Variants in RPH3AL observed in about 807,000 individuals in gnomAD.
RPH3AL encodes the protein rabphilin 3A like (without C2 domains), also known as rab effector Noc2.
Under a neutral mutation model 43.1 loss-of-function variants are expected in RPH3AL, and 38 were observed. That is an observed-to-expected ratio of 0.88 (90% confidence interval 0.68 to 1.15). The LOEUF (loss-of-function observed/expected upper bound fraction) is 1.15. Ranked by LOEUF, RPH3AL falls within the 50% of genes most tolerant of loss-of-function variation. RPH3AL has a pLI of 0.00. For synonymous variants in RPH3AL, 189 were observed against 176.3 expected (o/e 1.07, Z -0.57); for missense variants, 462 against 423.2 (o/e 1.09, Z -0.81).
In RPH3AL at chr17:245,702, G is replaced by A. The variant is rs1555539674; in HGVS notation, c.613+1409C>T. Among the ~76,000 whole-genome samples, 1 of 152,108 alleles carries A rather than the reference G, an allele frequency of 6.6e-6. No individual in the cohort carries two copies. The highest frequency in any genetic ancestry group is 6.5e-5 in the Admixed American group (1 of 15,268). On this transcript the variant is annotated intron_variant, in intron 7 of 9. Transcript: ENST00000331302. The surrounding 1 kb of genome is among the most constrained non-coding windows in gnomAD (Gnocchi z 5.9). ...GAAGGTCTGAGGTCCAAGGGTGGCA[G>A]AGGGACCAGGTGGAGGACCGCCACT...
chr17:280,038 C>A (rs73278927), intron 6 of RPH3AL, among the ~76,000 whole-genome samples: 4 of 152,134 alleles, frequency 2.6e-5, no homozygotes, highest in Non-Finnish European at 5.9e-5. Flanking sequence ...TCCAAAGACA[C>A]GGAAGTGATA....
At chr17:253,463 G>A (rs758424506) in intron 6 of RPH3AL, among the ~76,000 whole-genome samples, 6 of 152,120 alleles carry the variant, frequency 3.9e-5, no homozygotes, top group Non-Finnish European at 7.4e-5. Context: ...TTGCGGCACC[G>A]GACCACGGTT....
In RPH3AL at chr17:272,960, GTCAGGGTGAGACCCCAGCAAGGGCT is replaced by G. The variant is rs1567604328; in HGVS notation, c.438+8783_438+8807del. On this transcript the variant is annotated intron_variant, in intron 6 of 9. Coordinates refer to ENST00000331302, the MANE Select transcript of RPH3AL (RefSeq NM_006987.4). ...AGGGAGAGACCCCAGCAAGGGCTACGTCAGGGTGAGACCCCAGCAAGGGCTACGTCAGGGTGAGACCCCAGCGAGG... is the reference window on the plus strand; with the variant it reads ...AGGGAGAGACCCCAGCAAGGGCTACGACGTCAGGGTGAGACCCCAGCGAGG... 2.1e-3 allele frequency among the ~76,000 whole-genome samples: 72 copies of G among 33,678 alleles called. 2 individuals are homozygous for G. Among genetic ancestry groups the G allele is most frequent in the African/African-American group, 3.8e-3 (47 of 12,382 alleles). 22.1% of individuals were successfully genotyped at this position (33,678 alleles called of 152,430 possible).
intron 6 of RPH3AL, among the ~76,000 whole-genome samples, chr17:259,289 G>C (rs575029236): frequency 4.5e-4 from 68 of 152,328 alleles, no homozygotes; most frequent in Non-Finnish European, 7.6e-4. Flanking sequence ...CCATGCAGAT[G>C]TGCATAAAAC....
At chr17:329,043 T>G (rs2044684283) in intron 2 of RPH3AL, among the ~76,000 whole-genome samples, 1 of 152,138 alleles carries the variant, frequency 6.6e-6, no homozygotes, top group African/African-American at 2.4e-5. Flanking sequence ...ATGTTCTGGA[T>G]TAGACAGTGG....
At chr17:273,001 C>T in intron 6 of RPH3AL, among the ~76,000 whole-genome samples, 1 of 118,346 alleles carries the variant, frequency 8.4e-6, no homozygotes, top group African/African-American at 2.8e-5. Flanking sequence ...AGGGTGAGAC[C>T]CCAGCGAGGG....
At chr17:311,534 A>G (rs1489609590) in intron 5 of RPH3AL, among the ~76,000 whole-genome samples, 1 of 152,208 alleles carries the variant, frequency 6.6e-6, no homozygotes, top group Non-Finnish European at 1.5e-5. Flanking sequence ...CACACTAGAG[A>G]ATACTGTCTG....
chr17:272,995 T>TGACTTCAGGGA (rs2042530986), intron 6 of RPH3AL, among the ~76,000 whole-genome samples: 1 of 32,816 alleles, frequency 3.0e-5, no homozygotes, highest in Non-Finnish European at 6.8e-5. Flanking sequence ...TACGTCAGGG[T>TGACTTCAGGGA]GAGACCCCAG....
chr17:267,661 G>A (rs116842937), intron 6 of RPH3AL, among the ~76,000 whole-genome samples: 211 of 152,230 alleles, frequency 1.4e-3, no homozygotes, highest in Middle Eastern at 6.8e-3. Context: ...GCTCATTTCC[G>A]ACGGGTCTTG....
At chr17:258,755 CCGTTT>C (rs1381702840) in intron 6 of RPH3AL, among the ~76,000 whole-genome samples, 3 of 127,432 alleles carry the variant, frequency 2.4e-5, no homozygotes, top group Non-Finnish European at 1.7e-5. Flanking sequence ...GATAGTCAAC[CCGTTT>C]TTTTTTTTTT....
In RPH3AL at chr17:213,475, C is replaced by G. The variant is rs1348916826; in HGVS notation, c.*377G>C. ...GTGCCCTAGGTTTCATTTAGTCTTG[C>G]CATTAATATAGCAACGGAGATAGCC... On this transcript the variant is annotated 3_prime_UTR_variant, in exon 10 of 10. Transcript: ENST00000331302. The G allele has an allele frequency of 6.3e-6, 2 of 317,838 alleles. No individual in the cohort carries two copies. Among genetic ancestry groups the G allele is most frequent in the South Asian group, 6.0e-5 (2 of 33,540 alleles). The allele number at this position is 317,838 out of a possible 1,614,324, so 19.7% of individuals were successfully genotyped here.
rs2042594830 is a variant in RPH3AL at position 274,055 on chromosome 17, T to A, written c.438+7713A>T. ...GTGAACTTTTCTACTGATTACAGCATCACTTTGAGTGAGTCATTCTTCGTT... is the reference window on the plus strand; with the variant it reads ...GTGAACTTTTCTACTGATTACAGCAACACTTTGAGTGAGTCATTCTTCGTT... On this transcript the variant is annotated intron_variant, in intron 6 of 9. Coordinates refer to ENST00000331302, the MANE Select transcript of RPH3AL (RefSeq NM_006987.4). The surrounding 1 kb of genome is among the most constrained non-coding windows in gnomAD (Gnocchi z 4.7). Among the ~76,000 whole-genome samples the A allele has an allele frequency of 2.0e-5, 3 of 152,222 alleles. No homozygotes were observed. Among genetic ancestry groups the A allele is most frequent in the African/African-American group, 7.2e-5 (3 of 41,458 alleles).
intron 5 of RPH3AL, among the ~76,000 whole-genome samples, chr17:316,012 G>T (rs1224835958): frequency 6.6e-6 from 1 of 151,690 alleles, no homozygotes; most frequent in African/African-American, 2.4e-5. Context: ...TTGACCTGTA[G>T]TCCCTGTGCC....
At chr17:233,823 C>T (rs908323177) in intron 7 of RPH3AL, among the ~76,000 whole-genome samples, 3 of 150,546 alleles carry the variant, frequency 2.0e-5, no homozygotes, top group East Asian at 2.0e-4. Flanking sequence ...AGAATGCAAC[C>T]GGGGAGCGGC....
rs1049711558 is a variant in RPH3AL, at chr17:245,705, G to C, written c.613+1406C>G. On this transcript the variant is annotated intron_variant, in intron 7 of 9. Transcript: ENST00000331302. The surrounding 1 kb of genome is among the most constrained non-coding windows in gnomAD (Gnocchi z 5.9). ...GGTCTGAGGTCCAAGGGTGGCAGAG[G>C]GACCAGGTGGAGGACCGCCACTTCT... 3.3e-5 allele frequency among the ~76,000 whole-genome samples: 5 copies of C among 152,084 alleles called. No homozygotes were observed. The highest frequency in any genetic ancestry group is 7.2e-5 in the African/African-American group (3 of 41,398).
In RPH3AL at chr17:332,277, A is replaced by AGT. The variant is rs201299818; in HGVS notation, c.-37+1481_-37+1482insAC. On this transcript the variant is annotated intron_variant, in intron 2 of 9. Coordinates refer to ENST00000331302, the MANE Select transcript of RPH3AL (RefSeq NM_006987.4). ...ACAGGTAAGAGGCTGGGGAAGGAGG[A>AGT]GCGTGTGTGTGTGCGCGTGTGTGTG... is the stretch of plus-strand genomic sequence containing the variant. 4.9e-3 allele frequency: 1,181 copies of AGT among 241,466 alleles called. 18 individuals are homozygous for AGT. Among genetic ancestry groups the AGT allele is most frequent in the African/African-American group, 0.029 (1,057 of 37,064 alleles). 15.0% of individuals were successfully genotyped at this position (241,466 alleles called of 1,614,324 possible).
At chr17:214,544 C>T (rs1453597853) in intron 9 of RPH3AL, among the ~76,000 whole-genome samples, 1 of 152,178 alleles carries the variant, frequency 6.6e-6, no homozygotes, top group African/African-American at 2.4e-5. Flanking sequence ...GGTGGGAGGA[C>T]TGTTTCAGCC....
chr17:217,337 C>CG (rs2040833115), intron 8 of RPH3AL, among the ~76,000 whole-genome samples: 1 of 96,686 alleles, frequency 1.0e-5, no homozygotes, highest in Non-Finnish European at 2.8e-5. Context: ...TATTACAGAG[C>CG]CCTTCTTCTG....
rs150538986 is a variant in RPH3AL, at chr17:226,546, C to T, written c.614-6810G>A. ...ATAAACCAAAGGAAGTCAGCAGTGCCCGCACCAGCCTTGGCATTTACTGGC... is the reference window on the plus strand; with the variant it reads ...ATAAACCAAAGGAAGTCAGCAGTGCTCGCACCAGCCTTGGCATTTACTGGC... On this transcript the variant is annotated intron_variant, in intron 7 of 9. Coordinates refer to ENST00000331302, the MANE Select transcript of RPH3AL (RefSeq NM_006987.4). Among the ~76,000 whole-genome samples, 503 of 152,324 alleles carry T rather than the reference C, an allele frequency of 3.3e-3. 5 individuals carry two copies. The highest frequency in any genetic ancestry group is 0.011 in the African/African-American group (464 of 41,574).
Sources: allele counts gnomAD v4.1 joint callset (sites outside exome capture counted in the v4.1 genomes callset), GRCh38; gene constraint gnomAD v4.1.1; non-coding constraint Gnocchi (gnomAD v3.1); transcripts MANE v1.5; gene names NCBI Gene and HGNC (gene_info 2026-07-23, HGNC 2026-07-21).